The following PLXNA2 variants were observed in gnomAD, a reference collection of about 807,000 sequenced individuals.
The protein encoded by PLXNA2 is plexin A2.
In PLXNA2, 91 loss-of-function variants were observed where a neutral mutation model predicts 193.5. That is an observed-to-expected ratio of 0.47 (90% CI 0.40 to 0.56). The LOEUF is 0.56. Ranked by LOEUF, PLXNA2 falls within the 20% of genes least tolerant of loss-of-function variation. The pLI is 0.00. For missense variants in PLXNA2, 1,995 were observed against 2,503.2 expected (o/e 0.80, Z 4.33); for synonymous variants, 997 against 1,027.3 (o/e 0.97, Z 0.56).
Position 208,026,922 on chromosome 1 carries a change from A to C in PLXNA2, c.*321T>G, listed in dbSNP as rs1664358535. ...TTATTTCCCCAATATACATCAAATGAGTTTTCATGCAAAGCAGCAGTCACA... is the reference window on the plus strand; with the variant it reads ...TTATTTCCCCAATATACATCAAATGCGTTTTCATGCAAAGCAGCAGTCACA... On this transcript the variant is annotated 3_prime_UTR_variant, in exon 32 of 32. Transcript: ENST00000367033. The C allele has an allele frequency of 4.6e-6, 1 of 215,870 alleles. No homozygotes were observed. The highest frequency in any genetic ancestry group is 5.6e-5 in the Admixed American group (1 of 17,966). The allele number at this position is 215,870 out of a possible 1,614,324, so 13.4% of individuals were successfully genotyped here.
At chr1:208,220,661 C>G (rs1165792971) in intron 1 of PLXNA2, among the ~76,000 whole-genome samples, 2 of 150,636 alleles carry the variant, frequency 1.3e-5, no homozygotes, top group Admixed American at 1.3e-4. Context: ...TCACACTGCT[C>G]TCAATCTCCT....
Position 208,054,442 on chromosome 1 carries a change from G to A in PLXNA2, c.2835C>T (p.Ser945=). 1.2e-6 allele frequency: 2 copies of A among 1,613,936 alleles called. No individual in the cohort carries two copies. Among genetic ancestry groups the A allele is most frequent in the Non-Finnish European group, 1.7e-6 (2 of 1,179,784 alleles). Residue 945 remains serine (S), a synonymous_variant, in exon 14 of 32, where the codon TCC becomes TCT. Coordinates refer to ENST00000367033, the MANE Select transcript of PLXNA2 (RefSeq NM_025179.4). The part of the protein sequence containing the change: ...GECKPEFMTK[S]HQQYTFVNPS... ...TCACCACGAAGGTGTACTGCTGATG[G>A]GACTTCGTCATGAACTCTGGCTTAC...
intron 4 of PLXNA2, among the ~76,000 whole-genome samples, chr1:208,119,209 T>C (rs1433393776): frequency 6.6e-6 from 1 of 151,810 alleles, no homozygotes; most frequent in Non-Finnish European, 1.5e-5. Flanking sequence ...AAGGTGAAAG[T>C]GGAGGAGGTC....
intron 1 of PLXNA2, among the ~76,000 whole-genome samples, chr1:208,220,988 C>T (rs1270051881): frequency 1.3e-5 from 2 of 152,134 alleles, no homozygotes; most frequent in Non-Finnish European, 2.9e-5. Flanking sequence ...CCCAATATAG[C>T]CTCTCCGCAG....
chr1:208,042,943 C>G (rs927469557), intron 21 of PLXNA2, 118 bp downstream of exon 21: 8 of 1,003,842 alleles, frequency 8.0e-6, no homozygotes, highest in Middle Eastern at 3.3e-4. Context: ...CTGTTACAAA[C>G]TACTGACCCC....
rs138434385 is a variant in PLXNA2 at position 208,082,607 on chromosome 1, G to C, written c.2299-99C>G. The C allele has an allele frequency of 4.8e-6, 4 of 835,168 alleles. No individual in the cohort carries two copies. Among genetic ancestry groups the C allele is most frequent in the Non-Finnish European group, 7.9e-6 (4 of 505,304 alleles). The allele number at this position is 835,168 out of a possible 1,614,324, so 51.7% of individuals were successfully genotyped here. The stretch of plus-strand genomic sequence containing the variant: ...TGCATGCTGCTCAGATTATTATGAC[G>C]CTCTTTCCCTGAATCCCAGTCACTA... On this transcript the variant is annotated intron_variant, in intron 10 of 31. Transcript: ENST00000367033. The surrounding 1 kb of genome is among the most constrained non-coding windows in gnomAD (Gnocchi z 4.2).
At chr1:208,035,354 C>T (rs1664638416) in intron 26 of PLXNA2, among the ~76,000 whole-genome samples, 1 of 152,120 alleles carries the variant, frequency 6.6e-6, no homozygotes, top group South Asian at 2.1e-4. Flanking sequence ...GCCCATTTTC[C>T]CTTTTGGCTC....
rs772097656 is a variant in PLXNA2 at position 208,217,088 on chromosome 1, G to T, written c.835C>A (p.Arg279Ser). 1 of 1,614,186 alleles carries T rather than the reference G, an allele frequency of 6.2e-7. No homozygotes were observed. Among genetic ancestry groups the T allele is most frequent in the Non-Finnish European group, 8.5e-7 (1 of 1,180,026 alleles). ...NSAGDLFYTS[R>S]IVRLCKDDPK... ...TCATCCTTGCAGAGCCGCACGATGC[G>T]TGAGGTGTAGAAGAGGTCTCCAGCG... Residue 279 changes from arginine to serine, a missense_variant, in exon 2 of 32, where the codon CGC becomes AGC. Arg to Ser is a moderately radical substitution (Grantham distance 110). Coordinates refer to ENST00000367033, the MANE Select transcript of PLXNA2 (RefSeq NM_025179.4). The surrounding 1 kb of genome is among the most constrained non-coding windows in gnomAD (Gnocchi z 4.7).
Position 208,244,287 on chromosome 1 carries a change from A to C in PLXNA2, c.-725T>G. On this transcript the variant is annotated 5_prime_UTR_variant, in exon 1 of 32. Coordinates refer to ENST00000367033, the MANE Select transcript of PLXNA2 (RefSeq NM_025179.4). ...TGGCGCGGATGCCGCTCCTCCCGGC[A>C]GCTCTGGCTCCCGCGGTGGCGGCGG... The C allele has an allele frequency of 5.5e-6, 1 of 180,764 alleles. No homozygotes were observed. The highest frequency in any genetic ancestry group is 1.0e-5 in the Non-Finnish European group (1 of 98,096). The allele number at this position is 180,764 out of a possible 1,614,324, so 11.2% of individuals were successfully genotyped here. A position where few individuals can be genotyped will look rare whatever the true frequency, so the allele number is the denominator to read the frequency against.
intron 4 of PLXNA2, among the ~76,000 whole-genome samples, chr1:208,104,872 T>TA (rs1571921035): frequency 6.6e-6 from 1 of 152,170 alleles, no homozygotes; most frequent in South Asian, 2.1e-4. Context: ...AATTTAGCTT[T>TA]AAAAAAGACT....
chr1:208,166,932 T>C (rs1448132998), intron 3 of PLXNA2, among the ~76,000 whole-genome samples: 1 of 152,208 alleles, frequency 6.6e-6, no homozygotes, highest in Non-Finnish European at 1.5e-5. Context: ...AATGGAATTC[T>C]GTGTGTTGCT....
At chr1:208,116,956 G>A (rs1226210117) in intron 4 of PLXNA2, among the ~76,000 whole-genome samples, 2 of 152,182 alleles carry the variant, frequency 1.3e-5, no homozygotes, top group South Asian at 4.1e-4. Context: ...AGGATCATTT[G>A]AGTTCAGGAG....
chr1:208,203,400 C>G (rs769499971), intron 3 of PLXNA2, among the ~76,000 whole-genome samples: 24 of 152,136 alleles, frequency 1.6e-4, no homozygotes, highest in Non-Finnish European at 2.9e-4. Flanking sequence ...GTTAGGGTAT[C>G]AGATGGGCGG....
Position 208,028,551 on chromosome 1 carries a change from C to T in PLXNA2, c.5438+279G>A, listed in dbSNP as rs1664406975. On this transcript the variant is annotated intron_variant, in intron 30 of 31. Transcript: ENST00000367033. The surrounding 1 kb of genome is among the most constrained non-coding windows in gnomAD (Gnocchi z 4.2). Reference sequence around the variant, plus strand: ...TAATAATAATACTGGCTTCACAACTCTGCTGGACATTTTAATGAGATGATA... The same window carrying T: ...TAATAATAATACTGGCTTCACAACTTTGCTGGACATTTTAATGAGATGATA... Among the ~76,000 whole-genome samples, 1 of 152,338 alleles carries T rather than the reference C, an allele frequency of 6.6e-6. No homozygotes were observed. Among genetic ancestry groups the T allele is most frequent in the South Asian group, 2.1e-4 (1 of 4,828 alleles).
At chr1:208,042,040 G>A (rs1664886795) in intron 22 of PLXNA2, 58 bp downstream of exon 22, 1 of 1,560,342 alleles carries the variant, frequency 6.4e-7, no homozygotes, top group Admixed American at 1.8e-5. Context: ...CTATAATGAG[G>A]TGCTCTGTCC....
chr1:208,167,576 G>T (rs926145233), intron 3 of PLXNA2, among the ~76,000 whole-genome samples: 7 of 152,050 alleles, frequency 4.6e-5, no homozygotes, highest in Non-Finnish European at 1.0e-4. Flanking sequence ...ATGCCCTAGC[G>T]CCCTGCTCTT....
chr1:208,086,979 C>CTG (rs1553277886), intron 9 of PLXNA2, among the ~76,000 whole-genome samples: 18 of 65,440 alleles, frequency 2.8e-4, no homozygotes, highest in African/African-American at 9.2e-4. Context: ...CTCTCTCTCT[C>CTG]TGTGTGTGTG....
At chr1:208,239,194 A>G (rs1671966359) in intron 1 of PLXNA2, among the ~76,000 whole-genome samples, 1 of 150,886 alleles carries the variant, frequency 6.6e-6, no homozygotes, top group African/African-American at 2.4e-5. Context: ...TTTTGGGCCA[A>G]GCCTGGCTTT....
intron 29 of PLXNA2, chr1:208,030,173 A>T (rs1571839075): frequency 2.0e-6 from 2 of 985,408 alleles, no homozygotes; most frequent in African/African-American, 3.5e-5. Context: ...AAGCTGCTGC[A>T]GCTGAGAGCT....
Sources: allele counts gnomAD v4.1 joint callset (sites outside exome capture counted in the v4.1 genomes callset), GRCh38; gene constraint gnomAD v4.1.1; non-coding constraint Gnocchi (gnomAD v3.1); transcripts MANE v1.5; gene names NCBI Gene and HGNC (gene_info 2026-07-23, HGNC 2026-07-21).